KIF1A: variants seen among roughly 807,000 people sequenced by gnomAD.
The protein encoded by KIF1A is kinesin-like protein KIF1A.
In KIF1A, 46 loss-of-function variants were observed where a neutral mutation model predicts 227.3. The observed-to-expected ratio is 0.20, with a 90% CI of 0.16 to 0.26. KIF1A has a LOEUF of 0.26. Ranked by LOEUF, KIF1A falls within the 10% of genes least tolerant of loss-of-function variation. The pLI is 1.00. For synonymous variants in KIF1A, 1,022 were observed against 1,012.8 expected (o/e 1.01, Z -0.17); for missense variants, 1,683 against 2,485.9 (o/e 0.68, Z 6.87).
intron 1 of KIF1A, among the ~76,000 whole-genome samples, chr2:240,809,886 TAAA>T (rs11336419): frequency 1.2e-3 from 169 of 145,760 alleles, no homozygotes; most frequent in African/African-American, 4.0e-3. Context: ...TAAAGTATAA[TAAA>T]AAAAAAAAAA....
chr2:240,801,672 G>A (rs989533649), intron 1 of KIF1A, among the ~76,000 whole-genome samples: 1 of 152,210 alleles, frequency 6.6e-6, no homozygotes, highest in Admixed American at 6.5e-5. Context: ...ATTAGGTCAT[G>A]AGGGTGGGGC....
chr2:240,753,691 C>A (rs2049487504), intron 27 of KIF1A, among the ~76,000 whole-genome samples: 1 of 152,206 alleles, frequency 6.6e-6, no homozygotes, highest in South Asian at 2.1e-4. Flanking sequence ...CTCGCCAGGG[C>A]ACGTCCTAAT....
Position 240,793,460 on chromosome 2 carries a change from G to T in KIF1A, c.107-4148C>A, listed in dbSNP as rs2055990168. ...CTTCAGGGGCCGCACATGGCTGAGG[G>T]TCCGCGTCCCCAGCCAGCCTCCAGC... On this transcript the variant is annotated intron_variant, in intron 2 of 48. Coordinates refer to ENST00000498729, the MANE Select transcript of KIF1A (RefSeq NM_001244008.2). The surrounding 1 kb of genome is among the most constrained non-coding windows in gnomAD (Gnocchi z 4.8). 6.6e-6 allele frequency among the ~76,000 whole-genome samples: 1 copy of T among 152,222 alleles called. No homozygotes were observed. The highest frequency in any genetic ancestry group is 1.5e-5 in the Non-Finnish European group (1 of 68,046).
intron 38 of KIF1A, among the ~76,000 whole-genome samples, chr2:240,728,910 C>CT (rs1313697254): frequency 6.6e-6 from 1 of 152,216 alleles, no homozygotes; most frequent in African/African-American, 2.4e-5. Flanking sequence ...GTAATTGCCC[C>CT]TACCTCAAGA....
chr2:240,794,358 C>A (rs1017539284), intron 2 of KIF1A, among the ~76,000 whole-genome samples: 2 of 152,166 alleles, frequency 1.3e-5, no homozygotes, highest in African/African-American at 4.8e-5. Context: ...CTTTTCCCTC[C>A]CCCGCACCCT....
intron 1 of KIF1A, among the ~76,000 whole-genome samples, chr2:240,801,339 A>C (rs1298288813): frequency 6.6e-6 from 1 of 152,168 alleles, no homozygotes; most frequent in Non-Finnish European, 1.5e-5. Context: ...GAAATGCTAG[A>C]TCTGGAAAAC....
chr2:240,737,703 G>A (rs1338714600), intron 37 of KIF1A, among the ~76,000 whole-genome samples: 1 of 152,174 alleles, frequency 6.6e-6, no homozygotes, highest in African/African-American at 2.4e-5. Context: ...TGCATGCACT[G>A]GGGGTGTCTG....
At position 240,788,338 on chromosome 2, in the gene KIF1A, A is replaced by G. The variant is rs1323468301; in HGVS notation, c.184-108T>C. 1 of 1,013,368 alleles carries G rather than the reference A, an allele frequency of 9.9e-7. No individual in the cohort carries two copies. Among genetic ancestry groups the G allele is most frequent in the Non-Finnish European group, 1.5e-6 (1 of 665,520 alleles). 62.8% of individuals were successfully genotyped at this position (1,013,368 alleles called of 1,614,324 possible). A position where few individuals can be genotyped will look rare whatever the true frequency, so the allele number is the denominator to read the frequency against. On this transcript the variant is annotated intron_variant, in intron 3 of 48. Transcript: ENST00000498729. The surrounding 1 kb of genome is among the most constrained non-coding windows in gnomAD (Gnocchi z 6.6). ...GCCCAGGGCCTCAGGGTGCCAGGGC[A>G]GCACAGTGGGGAGGGATGCCTGCCC... is the stretch of plus-strand genomic sequence containing the variant.
chr2:240,744,071 G>GCTGAGCCAC lies in KIF1A; in HGVS notation c.3466-12_3466-11insGTGGCTCAG. 1 of 1,582,362 alleles carries GCTGAGCCAC rather than the reference G, an allele frequency of 6.3e-7. No individual in the cohort carries two copies. The highest frequency in any genetic ancestry group is 1.3e-5 in the African/African-American group (1 of 74,390). Reference sequence around the variant, plus strand: ...CACCTCCACTGCGATCTGGTGGGCAGGCAGGTGGGAGGACAGGAGGGCACG... The same window carrying GCTGAGCCAC: ...CACCTCCACTGCGATCTGGTGGGCAGCTGAGCCACGCAGGTGGGAGGACAGGAGGGCACG... On this transcript the variant is annotated splice_polypyrimidine_tract_variant and intron_variant, in intron 32 of 48. Coordinates refer to ENST00000498729, the MANE Select transcript of KIF1A (RefSeq NM_001244008.2).
intron 38 of KIF1A, among the ~76,000 whole-genome samples, chr2:240,733,013 G>A (rs62187824): frequency 0.23 from 28,443 of 125,170 alleles, 3,393 homozygotes; most frequent in Non-Finnish European, 0.27. Flanking sequence ...GGGATGAGGG[G>A]GAATGAGGGA....
At chr2:240,734,862 G>C in intron 38 of KIF1A, 1 of 753,574 alleles carries the variant, frequency 1.3e-6, no homozygotes, top group Non-Finnish European at 2.0e-6. Flanking sequence ...AGCCAGGGAG[G>C]CTGCAAAGCG....
intron 47 of KIF1A, among the ~76,000 whole-genome samples, chr2:240,718,658 G>A (rs1559472399): frequency 6.6e-6 from 1 of 152,260 alleles, no homozygotes; most frequent in Non-Finnish European, 1.5e-5. Context: ...TCTGAGCCCT[G>A]TGGCTCGCCC....
intron 1 of KIF1A, among the ~76,000 whole-genome samples, chr2:240,806,008 A>G (rs931747859): frequency 1.1e-4 from 17 of 152,232 alleles, no homozygotes; most frequent in African/African-American, 4.1e-4. Context: ...ACTGTAAACA[A>G]TAACTAGCAA....
chr2:240,810,335 C>A (rs1053304265), intron 1 of KIF1A, among the ~76,000 whole-genome samples: 7 of 152,314 alleles, frequency 4.6e-5, no homozygotes, highest in South Asian at 4.2e-4. Context: ...TGGCAATTTA[C>A]ATGAAAAGAT....
At position 240,792,567 on chromosome 2, in the gene KIF1A, C is replaced by A. The variant is rs749045072; in HGVS notation, c.107-3255G>T. Among the ~76,000 whole-genome samples the A allele has an allele frequency of 6.6e-6, 1 of 151,640 alleles. No homozygotes were observed. The highest frequency in any genetic ancestry group is 1.5e-5 in the Non-Finnish European group (1 of 67,920). ...GTGGGGGGAGCTGGAAGAAGGGGGA[C>A]GGGAAAGGAATGGAATACAGCCGTT... is the stretch of plus-strand genomic sequence containing the variant. On this transcript the variant is annotated intron_variant, in intron 2 of 48. Coordinates refer to ENST00000498729, the MANE Select transcript of KIF1A (RefSeq NM_001244008.2). This position sits in a 1 kb window ranked among gnomAD's most constrained non-coding sequence, Gnocchi z 4.5.
chr2:240,757,236 C>T lies in KIF1A; in HGVS notation c.2858+83G>A, dbSNP rs1464865866. The T allele has an allele frequency of 1.4e-6, 2 of 1,384,812 alleles. No individual in the cohort carries two copies. Among genetic ancestry groups the T allele is most frequent in the African/African-American group, 1.4e-5 (1 of 70,036 alleles). The allele number at this position is 1,384,812 out of a possible 1,614,324, so 85.8% of individuals were successfully genotyped here. On this transcript the variant is annotated intron_variant, in intron 27 of 48. Coordinates refer to ENST00000498729, the MANE Select transcript of KIF1A (RefSeq NM_001244008.2). This position sits in a 1 kb window ranked among gnomAD's most constrained non-coding sequence, Gnocchi z 6.2. ...CCCTGGGAGGGCCCGGGCCAGGCCC[C>T]AGCGGTTCCTCTGTGCCCGCAGCAG...
At chr2:240,743,102 C>A in intron 33 of KIF1A, 118 bp from the exon 34 acceptor site, 1 of 745,310 alleles carries the variant, frequency 1.3e-6, no homozygotes, top group East Asian at 2.9e-5. Flanking sequence ...CCTCTCTTCT[C>A]CAAGACCGTC....
At chr2:240,785,329 C>T (rs932011215) in intron 6 of KIF1A, among the ~76,000 whole-genome samples, 1 of 152,248 alleles carries the variant, frequency 6.6e-6, no homozygotes, top group Non-Finnish European at 1.5e-5. Context: ...CTGGTATATT[C>T]AGGGCAGCAG....
rs369976476 is a variant in KIF1A, at chr2:240,794,378, C to T, written c.106+3269G>A. 2.4e-4 allele frequency among the ~76,000 whole-genome samples: 36 copies of T among 152,352 alleles called. 3 individuals carry two copies. In the East Asian group the frequency reaches 5.8e-3, roughly 24 times the overall value. On this transcript the variant is annotated intron_variant, in intron 2 of 48. Transcript: ENST00000498729. ...CCCTCCCCCGCACCCTGCTGTCTCCCATGCACGTGCACATCCAGTGCACAC... is the reference window on the plus strand; with the variant it reads ...CCCTCCCCCGCACCCTGCTGTCTCCTATGCACGTGCACATCCAGTGCACAC...
Sources: allele counts gnomAD v4.1 joint callset (sites outside exome capture counted in the v4.1 genomes callset), GRCh38; gene constraint gnomAD v4.1.1; non-coding constraint Gnocchi (gnomAD v3.1); transcripts MANE v1.5; gene names NCBI Gene and HGNC (gene_info 2026-07-23, HGNC 2026-07-21).